HIVEP3: variants seen among roughly 807,000 people sequenced by gnomAD.
HIVEP3 encodes transcription factor HIVEP3.
In HIVEP3, 49 loss-of-function variants were observed where a neutral mutation model predicts 152.8. That is an observed-to-expected ratio of 0.32 (90% CI 0.26 to 0.41). The LOEUF is 0.41. HIVEP3 is among the 10% of genes least tolerant of loss of function. HIVEP3 has a pLI of 1.00. For synonymous variants in HIVEP3, 1,269 were observed against 1,289.0 expected (o/e 0.98, Z 0.33); for missense variants, 2,790 against 3,103.3 (o/e 0.90, Z 2.40).
rs190051567 is a variant in HIVEP3, at chr1:41,832,085, C to G, written c.-801+86328G>C. Among the ~76,000 whole-genome samples the G allele has an allele frequency of 5.6e-4, 86 of 152,312 alleles. 1 individual carries two copies. In the East Asian group the frequency reaches 0.016, roughly 28 times the overall value. On this transcript the variant is annotated intron_variant, in intron 1 of 8. Transcript: ENST00000372583. ...GAATGTTTGGGGTCAGCCTCGAGATCTGCATTTCTAACTATTTCTAGGTGA... is the reference window on the plus strand; with the variant it reads ...GAATGTTTGGGGTCAGCCTCGAGATGTGCATTTCTAACTATTTCTAGGTGA...
intron 1 of HIVEP3, among the ~76,000 whole-genome samples, chr1:42,031,638 C>T (rs1005150236): frequency 5.9e-5 from 9 of 152,150 alleles, no homozygotes; most frequent in Non-Finnish European, 1.2e-4. Flanking sequence ...TCCTGAGGGA[C>T]AGAATCACCT....
At chr1:42,006,567 CA>C (rs35692836) in intron 1 of HIVEP3, among the ~76,000 whole-genome samples, 2,054 of 132,686 alleles carry the variant, frequency 0.015, 35 homozygotes, top group African/African-American at 0.049. Flanking sequence ...TTTCCAAAGC[CA>C]AAAAAAAAAA....
chr1:41,581,241 A>C lies in HIVEP3; in HGVS notation c.3557T>G (p.Phe1186Cys). The change falls in exon 4 of 9, where the codon TTT becomes TGT. Residue 1186 changes from phenylalanine to cysteine, a missense_variant. Transcript: ENST00000372583. The surrounding 1 kb of genome is among the most constrained non-coding windows in gnomAD (Gnocchi z 4.5). Reference sequence around the variant, plus strand: ...CTGGAGAGGAAGCGGTGGGGCTTGAAATAAGGAGGGAGGAAGTGGGGGCAT... The same window carrying C: ...CTGGAGAGGAAGCGGTGGGGCTTGACATAAGGAGGGAGGAAGTGGGGGCAT... ...YSMPPLPPSL[F>C]QAPPLPLQPT... 1.3e-6 allele frequency: 2 copies of C among 1,586,088 alleles called. No individual in the cohort carries two copies. The highest frequency in any genetic ancestry group is 1.7e-6 in the Non-Finnish European group (2 of 1,166,572).
At chr1:41,864,279 G>A (rs1643929107) in intron 1 of HIVEP3, among the ~76,000 whole-genome samples, 1 of 152,216 alleles carries the variant, frequency 6.6e-6, no homozygotes, top group African/African-American at 2.4e-5. Flanking sequence ...GTAGCAAGCA[G>A]AGAGCTGGAG....
chr1:42,000,502 C>T (rs1351305588), intron 1 of HIVEP3, among the ~76,000 whole-genome samples: 1 of 152,082 alleles, frequency 6.6e-6, no homozygotes, highest in Non-Finnish European at 1.5e-5. Context: ...GAGCAGGTTC[C>T]CAAAGGAGAA....
chr1:41,952,757 T>C (rs1645115287), intron 1 of HIVEP3, among the ~76,000 whole-genome samples: 1 of 152,178 alleles, frequency 6.6e-6, no homozygotes, highest in Non-Finnish European at 1.5e-5. Flanking sequence ...TTGGAAAATA[T>C]ATAAAGTAAC....
chr1:41,842,401 T>C (rs1643314068), intron 1 of HIVEP3, among the ~76,000 whole-genome samples: 1 of 152,070 alleles, frequency 6.6e-6, no homozygotes, highest in Non-Finnish European at 1.5e-5. Flanking sequence ...GGCAACTCAC[T>C]CCCCACTGTC....
chr1:41,871,043 A>G (rs1644070586), intron 1 of HIVEP3, among the ~76,000 whole-genome samples: 1 of 152,190 alleles, frequency 6.6e-6, no homozygotes, highest in Non-Finnish European at 1.5e-5. Flanking sequence ...AGTTGTTTTT[A>G]TTTTCTGGAA....
At chr1:41,984,004 C>T (rs1645308607) in intron 1 of HIVEP3, among the ~76,000 whole-genome samples, 1 of 152,194 alleles carries the variant, frequency 6.6e-6, no homozygotes, top group Admixed American at 6.5e-5. Context: ...CAGCATTTCG[C>T]TCTGTTGCCT....
intron 1 of HIVEP3, among the ~76,000 whole-genome samples, chr1:41,856,852 C>T (rs1040084358): frequency 6.6e-6 from 1 of 152,138 alleles, no homozygotes; most frequent in African/African-American, 2.4e-5. Flanking sequence ...TCGGCAGGAA[C>T]ACAGCCCGTG....
rs373962429 is a variant in HIVEP3, at chr1:41,580,253, G to A, written c.4545C>T (p.Leu1515=). ...DPSDTKEIPP[L]PHPALSHGTA... ...TCCCATGGGACAATGCAGGGTGAGG[G>A]AGGGGAGGAATTTCCTTTGTGTCAG... Residue 1515 remains leucine (L), a synonymous_variant, in exon 4 of 9, where the codon CTC becomes CTT. Transcript: ENST00000372583. The A allele has an allele frequency of 8.2e-5, 133 of 1,613,594 alleles. No individual in the cohort carries two copies. The highest frequency in any genetic ancestry group is 1.0e-4 in the Non-Finnish European group (123 of 1,179,788).
intron 1 of HIVEP3, among the ~76,000 whole-genome samples, chr1:41,829,891 T>C (rs1174024384): frequency 1.3e-5 from 2 of 152,206 alleles, no homozygotes; most frequent in Non-Finnish European, 2.9e-5. Flanking sequence ...CAGAACAGTA[T>C]AAGCATTCAA....
At chr1:41,635,868 A>T (rs1440016590) in intron 2 of HIVEP3, among the ~76,000 whole-genome samples, 1 of 152,186 alleles carries the variant, frequency 6.6e-6, no homozygotes, top group East Asian at 1.9e-4. Context: ...ATTTTCTAGA[A>T]AAGTATAAAT....
At chr1:41,513,848 A>C in intron 7 of HIVEP3, 98 bp from the exon 8 acceptor site, 1 of 1,055,766 alleles carries the variant, frequency 9.5e-7, no homozygotes, top group Non-Finnish European at 1.3e-6. Flanking sequence ...TTGCCTGCTG[A>C]CTGGGCAAAA....
intron 2 of HIVEP3, among the ~76,000 whole-genome samples, chr1:41,668,478 C>G (rs1470701730): frequency 6.6e-6 from 1 of 152,224 alleles, no homozygotes; most frequent in Non-Finnish European, 1.5e-5. Flanking sequence ...GTGAGAACCC[C>G]AATCCTTCAG....
chr1:41,541,690 A>G (rs1313421165), intron 5 of HIVEP3, among the ~76,000 whole-genome samples: 5 of 152,184 alleles, frequency 3.3e-5, no homozygotes, highest in Non-Finnish European at 7.3e-5. Context: ...GGCTTACCAG[A>G]CAGAACTCCT....
chr1:41,991,145 T>C (rs1462567835), intron 1 of HIVEP3, among the ~76,000 whole-genome samples: 2 of 150,896 alleles, frequency 1.3e-5, no homozygotes, highest in African/African-American at 4.9e-5. Flanking sequence ...AAGAAATAAC[T>C]AAAATCAGAG....
At chr1:41,866,466 A>G (rs994179634) in intron 1 of HIVEP3, among the ~76,000 whole-genome samples, 1 of 152,112 alleles carries the variant, frequency 6.6e-6, no homozygotes, top group Admixed American at 6.5e-5. Context: ...TATGCAGTGC[A>G]CTCCACTTTC....
At chr1:41,551,316 G>A (rs1643891419) in intron 5 of HIVEP3, among the ~76,000 whole-genome samples, 1 of 142,736 alleles carries the variant, frequency 7.0e-6, no homozygotes. Context: ...ATGTTCATCA[G>A]GGATATTGGT....
Sources: allele counts gnomAD v4.1 joint callset (sites outside exome capture counted in the v4.1 genomes callset), GRCh38; gene constraint gnomAD v4.1.1; non-coding constraint Gnocchi (gnomAD v3.1); transcripts MANE v1.5; gene names NCBI Gene and HGNC (gene_info 2026-07-23, HGNC 2026-07-21).